The following PATJ variants were observed in gnomAD, a reference collection of about 807,000 sequenced individuals.
PATJ encodes inaD-like protein.
In PATJ, 190 loss-of-function variants were observed where a neutral mutation model predicts 224.9. The observed-to-expected ratio is 0.84, with a 90% CI of 0.75 to 0.95. The LOEUF is 0.95. Ranked by LOEUF, PATJ falls within the 40% of genes least tolerant of loss-of-function variation. The pLI is 0.00. For missense variants in PATJ, 2,121 were observed against 2,270.3 expected (o/e 0.93, Z 1.34); for synonymous variants, 769 against 820.3 (o/e 0.94, Z 1.07).
chr1:61,845,118 CT>C (rs1292522438), intron 17 of PATJ, among the ~76,000 whole-genome samples: 1 of 152,090 alleles, frequency 6.6e-6, no homozygotes, highest in Non-Finnish European at 1.5e-5. Flanking sequence ...GAACGTATTC[CT>C]TATAGATAAG....
At chr1:62,115,678 G>C (rs922721045) in intron 35 of PATJ, among the ~76,000 whole-genome samples, 12 of 148,990 alleles carry the variant, frequency 8.1e-5, no homozygotes, top group African/African-American at 3.0e-4. Context: ...TCCTAATATG[G>C]CCTTAAAGTG....
chr1:61,871,075 T>A lies in PATJ; in HGVS notation c.2836-4168T>A, dbSNP rs1272636984. Among the ~76,000 whole-genome samples, 3 of 150,206 alleles carry A rather than the reference T, an allele frequency of 2.0e-5. No individual in the cohort carries two copies. In the South Asian group the frequency reaches 6.3e-4, roughly 31 times the overall value. On this transcript the variant is annotated intron_variant, in intron 20 of 43. Coordinates refer to ENST00000642238, the MANE Select transcript of PATJ (RefSeq NM_001350145.3). ...TTTTTAAAGATTTGGTTTTTGTTTT[T>A]TTTGTTTTTTTTTTTTTGCCTGAGG...
intron 27 of PATJ, among the ~76,000 whole-genome samples, chr1:61,972,907 A>G (rs905028835): frequency 1.1e-4 from 16 of 151,962 alleles, no homozygotes; most frequent in East Asian, 5.8e-4. Flanking sequence ...TAAAGCTTGT[A>G]TACTTTTTTT....
chr1:61,866,622 G>A (rs186065252), intron 20 of PATJ, among the ~76,000 whole-genome samples: 54 of 151,114 alleles, frequency 3.6e-4, no homozygotes, highest in Admixed American at 8.6e-4. Context: ...TTTGTGTAAC[G>A]TTAAGTTAAA....
chr1:61,850,046 C>T (rs901493484), intron 17 of PATJ, among the ~76,000 whole-genome samples: 1 of 152,152 alleles, frequency 6.6e-6, no homozygotes, highest in Non-Finnish European at 1.5e-5. Context: ...CTCTTTATGT[C>T]ACATTCTCTA....
At chr1:62,079,687 G>A (rs1015508790) in intron 32 of PATJ, 120 bp downstream of exon 32, 16 of 687,820 alleles carry the variant, frequency 2.3e-5, no homozygotes, top group South Asian at 1.3e-4. Flanking sequence ...TACTTCCTCC[G>A]CTTCCTTAGC....
At position 61,787,961 on chromosome 1, in the gene PATJ, G is replaced by C. The variant is rs1648927538; in HGVS notation, c.1057G>C (p.Gly353Arg). ...PVALPTVASK[G>R]PGSDSSLFET... ...TGCCCTGCCTACTGTAGCCAGCAAGGGCCCTGGTTCTGTGAGTATACATAT... is the reference window on the plus strand; with the variant it reads ...TGCCCTGCCTACTGTAGCCAGCAAGCGCCCTGGTTCTGTGAGTATACATAT... Residue 353 changes from glycine to arginine, a missense_variant, in exon 8 of 44, where the codon GGC becomes CGC. Transcript: ENST00000642238. 8.1e-6 allele frequency: 13 copies of C among 1,612,754 alleles called. No individual in the cohort carries two copies. The highest frequency in any genetic ancestry group is 1.3e-5 in the African/African-American group (1 of 74,870).
intron 39 of PATJ, among the ~76,000 whole-genome samples, chr1:62,123,356 A>G (rs573159379): frequency 6.6e-6 from 1 of 152,018 alleles, no homozygotes; most frequent in Non-Finnish European, 1.5e-5. Flanking sequence ...GTAAAGTTTT[A>G]TAAAACAAAA....
chr1:62,147,094 G>A (rs1378957013), intron 41 of PATJ, among the ~76,000 whole-genome samples: 1 of 152,088 alleles, frequency 6.6e-6, no homozygotes, highest in African/African-American at 2.4e-5. Context: ...TCTGGTGTTA[G>A]GTAAGCATTG....
intron 39 of PATJ, 41 bp from the exon 40 acceptor site, chr1:62,127,931 T>C: frequency 6.2e-7 from 1 of 1,610,160 alleles, no homozygotes; most frequent in Middle Eastern, 1.7e-4. Flanking sequence ...TTTGTGGCTC[T>C]TTATTAAATA....
intron 27 of PATJ, among the ~76,000 whole-genome samples, chr1:61,969,011 G>A (rs1220841109): frequency 6.6e-6 from 1 of 152,156 alleles, no homozygotes; most frequent in Non-Finnish European, 1.5e-5. Context: ...ATTTCACATA[G>A]CATAATTTTC....
At chr1:61,768,266 G>A (rs1397653981) in intron 4 of PATJ, among the ~76,000 whole-genome samples, 1 of 151,718 alleles carries the variant, frequency 6.6e-6, no homozygotes, top group Non-Finnish European at 1.5e-5. Flanking sequence ...TCAGGAGATC[G>A]AGACCATCCT....
At chr1:62,011,657 C>G (rs2148330953) in intron 28 of PATJ, among the ~76,000 whole-genome samples, 2 of 151,660 alleles carry the variant, frequency 1.3e-5, no homozygotes, top group African/African-American at 4.8e-5. Flanking sequence ...TCAGCACATG[C>G]CACTGTAAAA....
intron 27 of PATJ, among the ~76,000 whole-genome samples, chr1:61,989,438 C>T (rs1644943767): frequency 1.3e-5 from 2 of 152,092 alleles, no homozygotes; most frequent in Non-Finnish European, 2.9e-5. Flanking sequence ...CCTTAATTCC[C>T]CTTGCTTTTG....
At chr1:62,088,387 G>T (rs1232742135) in intron 33 of PATJ, among the ~76,000 whole-genome samples, 1 of 152,028 alleles carries the variant, frequency 6.6e-6, no homozygotes, top group African/African-American at 2.4e-5. Context: ...CCCTGAATTT[G>T]CTCTCTTCTG....
intron 18 of PATJ, among the ~76,000 whole-genome samples, chr1:61,861,307 TACGTGAATGAATCTTTTC>T (rs1664556730): frequency 3.2e-4 from 40 of 125,676 alleles, no homozygotes; most frequent in Non-Finnish European, 3.7e-4. Flanking sequence ...TTTTTTTTTT[TACGTGAATGAATCTTTTC>T]TTTTTTCTTT....
chr1:61,963,012 A>T (rs962570585), intron 27 of PATJ, among the ~76,000 whole-genome samples: 2 of 152,252 alleles, frequency 1.3e-5, no homozygotes, highest in Non-Finnish European at 2.9e-5. Context: ...TTACACAAAT[A>T]GTTATAAAGG....
rs1043238744 is a variant in PATJ at position 61,768,618 on chromosome 1, G to A, written c.385-665G>A. Among the ~76,000 whole-genome samples, 7 of 151,734 alleles carry A rather than the reference G, an allele frequency of 4.6e-5. No individual in the cohort carries two copies. The East Asian group carries it at 9.6e-4, about 21-fold the overall frequency. On this transcript the variant is annotated intron_variant, in intron 4 of 43. Coordinates refer to ENST00000642238, the MANE Select transcript of PATJ (RefSeq NM_001350145.3). ...TTCCTCATTTAAAAATATATTTTGC[G>A]GCTGGGCACTGTGGCTCACGTCTGT...
chr1:62,125,264 C>CAAAAAAAAAAAAA (rs1284483252), intron 39 of PATJ, among the ~76,000 whole-genome samples: 1 of 64,192 alleles, frequency 1.6e-5, no homozygotes, highest in African/African-American at 5.9e-5. Context: ...CAAAAAAAAA[C>CAAAAAAAAAAAAA]AAAAAAAAAA....
Sources: gnomAD v4.1 joint callset for allele counts (sites outside exome capture counted in the v4.1 genomes callset) on GRCh38, gnomAD v4.1.1 for gene constraint, MANE v1.5 for transcripts, NCBI Gene and HGNC (gene_info 2026-07-23, HGNC 2026-07-21) for gene names.